ENDOV: variants seen among roughly 807,000 people sequenced by gnomAD.
ENDOV encodes endonuclease V.
In ENDOV, 37 loss-of-function variants were observed where a neutral mutation model predicts 39.4. That is an observed-to-expected ratio of 0.94 (90% CI 0.72 to 1.23). The LOEUF (loss-of-function observed/expected upper bound fraction) is 1.23. Ranked by LOEUF, ENDOV falls within the 50% of genes most tolerant of loss-of-function variation. The pLI is 0.00. For missense variants in ENDOV, 441 were observed against 375.7 expected (o/e 1.17, Z -1.44); for synonymous variants, 186 against 163.4 (o/e 1.14, Z -1.05).
At chr17:80,434,510 G>A (rs972064150) in intron 9 of ENDOV, among the ~76,000 whole-genome samples, 6 of 152,202 alleles carry the variant, frequency 3.9e-5, no homozygotes, top group South Asian at 2.1e-4. Flanking sequence ...AACTTTCTGA[G>A]AAACTGCCAG....
intron 4 of ENDOV, among the ~76,000 whole-genome samples, chr17:80,422,691 C>G (rs2082204909): frequency 6.6e-6 from 1 of 152,150 alleles, no homozygotes; most frequent in Admixed American, 6.5e-5. Flanking sequence ...GGGAGCGTGG[C>G]TGAGGGAGAT....
chr17:80,415,819 G>C lies in ENDOV; in HGVS notation c.226G>C (p.Glu76Gln), dbSNP rs1328753266. ...SLVVLSFPEL[E>Q]VVYEESRMVS... ...GGTGGTGCTCAGCTTCCCTGAGCTC[G>C]AGGTAACCTGGGAGGACGCCGAGCT... Residue 76 changes from glutamate to glutamine, a missense_variant and splice_region_variant, in exon 2 of 10, where the codon GAG (glutamate) becomes CAG (glutamine). Transcript: ENST00000518137. 18 of 1,591,392 alleles carry C rather than the reference G, an allele frequency of 1.1e-5. No homozygotes were observed. The highest frequency in any genetic ancestry group is 1.5e-5 in the Non-Finnish European group (18 of 1,169,172).
intron 4 of ENDOV, among the ~76,000 whole-genome samples, chr17:80,422,475 G>A (rs548792049): frequency 4.6e-5 from 7 of 152,214 alleles, no homozygotes; most frequent in South Asian, 4.1e-4. Context: ...TTTCCTGTCC[G>A]CCACTGCCTT....
chr17:80,431,822 C>T (rs1372222073), intron 9 of ENDOV, among the ~76,000 whole-genome samples: 1 of 152,240 alleles, frequency 6.6e-6, no homozygotes, highest in Non-Finnish European at 1.5e-5. Context: ...CCTCCCTTTC[C>T]ACTTGCCTTG....
chr17:80,427,610 C>T (rs947488849), intron 7 of ENDOV: 17 of 1,150,918 alleles, frequency 1.5e-5, no homozygotes, highest in Middle Eastern at 2.4e-4. Flanking sequence ...TCGTGTCCTG[C>T]AGGGCTGGCT....
chr17:80,415,212 G>T lies in ENDOV; in HGVS notation c.18G>T (p.Ala6=). The T allele has an allele frequency of 3.7e-6, 6 of 1,613,338 alleles. No homozygotes were observed. The highest frequency in any genetic ancestry group is 1.1e-5 in the South Asian group (1 of 91,058). The part of the protein sequence containing the change: MALEA[A]GGPPEETLSL... ...ACGAAGCCATGGCCCTGGAGGCGGC[G>T]GGAGGGCCGCCGGAGGAAACGCTGT... Residue 6 remains alanine (A), a synonymous_variant, in exon 1 of 10, where the codon GCG becomes GCT. Transcript: ENST00000518137.
chr17:80,424,107 C>T, intron 5 of ENDOV: 1 of 396,802 alleles, frequency 2.5e-6, no homozygotes, highest in Non-Finnish European at 4.4e-6. Flanking sequence ...CTGCATCTTC[C>T]TCCTCTGGGA....
At chr17:80,433,343 G>A (rs1348056398) in intron 9 of ENDOV, among the ~76,000 whole-genome samples, 1 of 152,246 alleles carries the variant, frequency 6.6e-6, no homozygotes, top group Non-Finnish European at 1.5e-5. Context: ...AGGGAAGGCT[G>A]TTGGTTTGGA....
At chr17:80,423,190 G>T (rs2082276569) in intron 4 of ENDOV, among the ~76,000 whole-genome samples, 1 of 152,240 alleles carries the variant, frequency 6.6e-6, no homozygotes, top group Non-Finnish European at 1.5e-5. Context: ...TGCCAGCGCT[G>T]GCAGGCCACC....
chr17:80,430,740 G>A (rs566021768), intron 9 of ENDOV, among the ~76,000 whole-genome samples: 11 of 152,308 alleles, frequency 7.2e-5, no homozygotes, highest in African/African-American at 2.6e-4. Context: ...TGCCCGGCGG[G>A]GGCTAGGATC....
At chr17:80,415,361 A>G in intron 1 of ENDOV, 111 bp downstream of exon 1, 1 of 1,327,966 alleles carries the variant, frequency 7.5e-7, no homozygotes. Flanking sequence ...CCACCGCCCG[A>G]GACTCCAAAG....
At chr17:80,423,993 C>T (rs1241969327) in intron 5 of ENDOV, 1 of 357,796 alleles carries the variant, frequency 2.8e-6, no homozygotes, top group Admixed American at 4.5e-5. Flanking sequence ...TTGCCCCAGC[C>T]CCTGTCTCCT....
At chr17:80,417,677 G>A (rs545150330) in intron 2 of ENDOV, 1 of 152,216 alleles carries the variant, frequency 6.6e-6, no homozygotes, top group Admixed American at 6.5e-5. Context: ...GGAATTTGGG[G>A]AGGACACCAG....
chr17:80,423,498 C>A, intron 4 of ENDOV, 22 bp from the exon 5 acceptor site: 2 of 1,541,326 alleles, frequency 1.3e-6, no homozygotes, highest in Non-Finnish European at 1.8e-6. Flanking sequence ...TCCCCAACCC[C>A]ACCCTCCTTT....
chr17:80,420,857 A>G (rs550022142), intron 2 of ENDOV, among the ~76,000 whole-genome samples: 1 of 152,300 alleles, frequency 6.6e-6, no homozygotes, highest in East Asian at 1.9e-4. Context: ...TTGTATTTTT[A>G]GTAAACACGG....
Position 80,423,397 on chromosome 17 carries a change from C to T in ENDOV, c.404-123C>T. 4 of 918,152 alleles carry T rather than the reference C, an allele frequency of 4.4e-6. No individual in the cohort carries two copies. The South Asian group carries it at 5.2e-5, about 12-fold the overall frequency. The allele number at this position is 918,152 out of a possible 1,614,324, so 56.9% of individuals were successfully genotyped here. On this transcript the variant is annotated intron_variant, in intron 4 of 9. Coordinates refer to ENST00000518137, the MANE Select transcript of ENDOV (RefSeq NM_173627.5). Reference sequence around the variant, plus strand: ...GGGACTTAGATCTGGTTTCCCCAGCCCTCTGCCTGTCCACAGACCTCTGCT... The same window carrying T: ...GGGACTTAGATCTGGTTTCCCCAGCTCTCTGCCTGTCCACAGACCTCTGCT...
chr17:80,415,946 C>G, intron 2 of ENDOV, 125 bp downstream of exon 2: 1 of 1,289,152 alleles, frequency 7.8e-7, no homozygotes. Context: ...CATTAATAGT[C>G]TGGGGAGTTG....
At chr17:80,431,309 G>A (rs552965843) in intron 9 of ENDOV, among the ~76,000 whole-genome samples, 3 of 152,204 alleles carry the variant, frequency 2.0e-5, no homozygotes, top group African/African-American at 7.2e-5. Flanking sequence ...GCGCTCACTC[G>A]AAAGCTGCTT....
In ENDOV at chr17:80,425,489, C is replaced by T; in HGVS notation, c.586-3C>T. ...AGGACAGCCCTCGCCTTCCTTGTCA[C>T]AGGCCCTGAGGAGCCACGACCGCAG... On this transcript the variant is annotated splice_polypyrimidine_tract_variant and splice_region_variant and intron_variant, in intron 6 of 9. Coordinates refer to ENST00000518137, the MANE Select transcript of ENDOV (RefSeq NM_173627.5). 8.2e-6 allele frequency: 13 copies of T among 1,595,080 alleles called. No individual in the cohort carries two copies. Among genetic ancestry groups the T allele is most frequent in the Non-Finnish European group, 1.1e-5 (13 of 1,175,318 alleles).
Sources: gnomAD v4.1 joint callset for allele counts (sites outside exome capture counted in the v4.1 genomes callset) on GRCh38, gnomAD v4.1.1 for gene constraint, MANE v1.5 for transcripts, NCBI Gene and HGNC (gene_info 2026-07-23, HGNC 2026-07-21) for gene names.